FTCDNL1: variants seen among roughly 807,000 people sequenced by gnomAD.
The protein encoded by FTCDNL1 is formiminotransferase cyclodeaminase N-terminal like.
FTCDNL1 carries 11 observed loss-of-function variants against 5.9 expected under a neutral mutation model. That is an observed-to-expected ratio of 1.87 (90% CI 1.18 to 3.10). FTCDNL1 has a LOEUF of 3.10. FTCDNL1 is among the 30% of genes most tolerant of loss of function. FTCDNL1 has a pLI of 0.00. For synonymous variants in FTCDNL1, 58 were observed against 24.8 expected (o/e 2.34, Z -3.99); for missense variants, 115 against 65.5 (o/e 1.76, Z -2.61).
the FTCDNL1 span, among the ~76,000 whole-genome samples, chr2:199,670,766 T>C: frequency 6.6e-6 from 1 of 152,096 alleles, no homozygotes; most frequent in Non-Finnish European, 1.5e-5. Context: ...CAAGAGACAC[T>C]AGAGCAGGCT....
chr2:199,754,361 C>T, the FTCDNL1 span, among the ~76,000 whole-genome samples: 3 of 152,112 alleles, frequency 2.0e-5, no homozygotes, highest in Non-Finnish European at 2.9e-5. Flanking sequence ...CCTTTTTCCA[C>T]GTCCATGGGC....
chr2:199,772,817 A>G (rs1698879116), intron 3 of FTCDNL1, among the ~76,000 whole-genome samples: 2 of 152,160 alleles, frequency 1.3e-5, no homozygotes, highest in Non-Finnish European at 2.9e-5. Context: ...AACGTAAACC[A>G]CTTCCGCTTC....
chr2:199,717,509 A>ATTTTTTTTTTTTTTTTTTTTTTTT, the FTCDNL1 span, among the ~76,000 whole-genome samples: 3 of 57,688 alleles, frequency 5.2e-5, 1 homozygote, highest in East Asian at 2.8e-3. Flanking sequence ...CAAGGCAGAG[A>ATTTTTTTTTTTTTTTTTTTTTTTT]TTTTTTTTTT....
chr2:199,835,660 T>A (rs942503114), intron 3 of FTCDNL1, among the ~76,000 whole-genome samples: 5 of 151,972 alleles, frequency 3.3e-5, no homozygotes, highest in African/African-American at 1.2e-4. Flanking sequence ...CTATAAAAGC[T>A]AGGAAGGAAA....
intron 4 of FTCDNL1, chr2:199,818,489 C>G (rs79265171): frequency 2.0e-5 from 3 of 152,050 alleles, no homozygotes; most frequent in Admixed American, 6.6e-5. Context: ...GACATTATTA[C>G]GTCCGTTTTA....
the FTCDNL1 span, among the ~76,000 whole-genome samples, chr2:199,706,019 G>A: frequency 1.3e-5 from 2 of 152,164 alleles, no homozygotes; most frequent in African/African-American, 4.8e-5. Flanking sequence ...TCTATTCACA[G>A]TTATAACAGG....
At chr2:199,797,040 T>A (rs1700208737) in intron 3 of FTCDNL1, among the ~76,000 whole-genome samples, 1 of 152,188 alleles carries the variant, frequency 6.6e-6, no homozygotes, top group African/African-American at 2.4e-5. Flanking sequence ...CCCTTTTATA[T>A]GATCAAATAG....
At chr2:199,710,488 T>C in the FTCDNL1 span, among the ~76,000 whole-genome samples, 1 of 152,304 alleles carries the variant, frequency 6.6e-6, no homozygotes, top group Admixed American at 6.5e-5. Context: ...GACTCTAAGC[T>C]TGGGAGCAAT....
chr2:199,809,071 G>A (rs1016423088), downstream of FTCDNL1, among the ~76,000 whole-genome samples: 4 of 152,024 alleles, frequency 2.6e-5, no homozygotes, highest in African/African-American at 7.2e-5. Flanking sequence ...AATTCCTCAC[G>A]TCTAAAAACC....
At chr2:199,765,532 T>TTATATATATATA (rs1319054963) in intron 3 of FTCDNL1, among the ~76,000 whole-genome samples, 10 of 79,600 alleles carry the variant, frequency 1.3e-4, no homozygotes, top group East Asian at 6.3e-4. Context: ...TTTGTCTTCA[T>TTATATATATATA]TATATATATA....
chr2:199,753,024 C>T, the FTCDNL1 span, among the ~76,000 whole-genome samples: 1 of 152,242 alleles, frequency 6.6e-6, no homozygotes, highest in East Asian at 1.9e-4. Context: ...GGGAGACTTT[C>T]ATCCTCCAGC....
At chr2:199,736,287 T>C in the FTCDNL1 span, among the ~76,000 whole-genome samples, 1 of 152,318 alleles carries the variant, frequency 6.6e-6, no homozygotes, top group South Asian at 2.1e-4. Context: ...AAAACATGCC[T>C]CAGGTTTTCA....
the FTCDNL1 span, among the ~76,000 whole-genome samples, chr2:199,733,768 G>A: frequency 6.6e-6 from 1 of 152,252 alleles, no homozygotes; most frequent in African/African-American, 2.4e-5. Context: ...CATACATGAC[G>A]AGATGGAAAT....
the FTCDNL1 span, among the ~76,000 whole-genome samples, chr2:199,699,094 A>G: frequency 6.6e-6 from 1 of 152,228 alleles, no homozygotes; most frequent in Non-Finnish European, 1.5e-5. Context: ...GAACAAACCA[A>G]TAACAAGTTC....
intron 3 of FTCDNL1, among the ~76,000 whole-genome samples, chr2:199,777,201 G>A (rs1310619684): frequency 6.6e-6 from 1 of 152,104 alleles, no homozygotes; most frequent in Non-Finnish European, 1.5e-5. Context: ...GCTGAGGCAG[G>A]AGAATCTCTT....
downstream of FTCDNL1, among the ~76,000 whole-genome samples, chr2:199,756,536 G>A (rs1168414099): frequency 6.6e-6 from 1 of 152,144 alleles, no homozygotes; most frequent in Non-Finnish European, 1.5e-5. Flanking sequence ...AAAGTCCTAT[G>A]TTAACCTGGC....
At chr2:199,820,936 A>G (rs1485547506) in intron 3 of FTCDNL1, among the ~76,000 whole-genome samples, 1 of 152,198 alleles carries the variant, frequency 6.6e-6, no homozygotes, top group African/African-American at 2.4e-5. Flanking sequence ...TTTGTTCCGT[A>G]TCACGGATCA....
At chr2:199,730,594 G>A in the FTCDNL1 span, among the ~76,000 whole-genome samples, 1 of 152,148 alleles carries the variant, frequency 6.6e-6, no homozygotes. Context: ...TGAAAAAAAA[G>A]CTCATCTTCA....
At chr2:199,739,681 A>G in the FTCDNL1 span, among the ~76,000 whole-genome samples, 1 of 152,230 alleles carries the variant, frequency 6.6e-6, no homozygotes, top group Admixed American at 6.5e-5. Context: ...AGCAGCTATG[A>G]TAATACTAGA....
Sources: allele counts gnomAD v4.1 joint callset (sites outside exome capture counted in the v4.1 genomes callset), GRCh38; gene constraint gnomAD v4.1.1; transcripts MANE v1.5; gene names NCBI Gene and HGNC (gene_info 2026-07-23, HGNC 2026-07-21).